The following ASCC3 variants were observed in gnomAD, a reference collection of about 807,000 sequenced individuals.
ASCC3 encodes the protein ASC-1 complex subunit P200.
Under a neutral mutation model 256.3 loss-of-function variants are expected in ASCC3, and 158 were observed. The ratio of observed to expected loss-of-function variants is 0.62; its 90% CI spans 0.54 to 0.70. The LOEUF (loss-of-function observed/expected upper bound fraction) is 0.70, where lower values mean the gene tolerates loss of function less well. Ranked by LOEUF, ASCC3 falls within the 30% of genes least tolerant of loss-of-function variation. The pLI is 0.00. For synonymous variants in ASCC3, 948 were observed against 883.4 expected (o/e 1.07, Z -1.30); for missense variants, 2,259 against 2,626.0 (o/e 0.86, Z 3.05).
intron 10 of ASCC3, among the ~76,000 whole-genome samples, chr6:100,761,302 C>A (rs1781409125): frequency 1.3e-5 from 2 of 152,048 alleles, no homozygotes; most frequent in Non-Finnish European, 1.5e-5. Context: ...ATAGCCTGGG[C>A]AACATGGCAA....
At position 100,691,793 on chromosome 6, in the gene ASCC3, T is replaced by C. The variant is rs745964874; in HGVS notation, c.2152-12041A>G. ...ATGCCAGACTAATCTATATAACATA[T>C]AGACTTGTGCTGAATATCAGCAGTG... is the stretch of plus-strand genomic sequence containing the variant. On this transcript the variant is annotated intron_variant, in intron 13 of 41. Transcript: ENST00000369162. 3.2e-4 allele frequency among the ~76,000 whole-genome samples: 49 copies of C among 152,056 alleles called. 1 individual carries two copies. Among genetic ancestry groups the C allele is most frequent in the Admixed American group, 1.5e-3 (23 of 15,260 alleles).
intron 14 of ASCC3, among the ~76,000 whole-genome samples, chr6:100,672,780 T>A (rs185198690): frequency 2.3e-3 from 357 of 152,204 alleles, no homozygotes; most frequent in African/African-American, 8.1e-3. Flanking sequence ...ATTTAAAATG[T>A]ACCTAGAATG....
intron 36 of ASCC3, among the ~76,000 whole-genome samples, chr6:100,589,208 A>G (rs1771860781): frequency 6.6e-6 from 1 of 152,142 alleles, no homozygotes. Context: ...CCTGACATTA[A>G]TTCTAAGAAC....
intron 36 of ASCC3, among the ~76,000 whole-genome samples, chr6:100,573,856 T>C (rs1770722892): frequency 6.6e-6 from 1 of 152,158 alleles, no homozygotes. Flanking sequence ...CAATAAAGAT[T>C]GCGTTTGCGA....
chr6:100,783,603 T>G (rs1425173066), intron 8 of ASCC3, among the ~76,000 whole-genome samples: 1 of 152,150 alleles, frequency 6.6e-6, no homozygotes, highest in African/African-American at 2.4e-5. Context: ...TATGACTTTC[T>G]TTCCACATAC....
intron 16 of ASCC3, among the ~76,000 whole-genome samples, chr6:100,656,318 G>A (rs1775913053): frequency 1.3e-5 from 2 of 151,496 alleles, no homozygotes; most frequent in East Asian, 1.9e-4. Flanking sequence ...CCCAAGACAC[G>A]AATTTGCAGG....
intron 13 of ASCC3, among the ~76,000 whole-genome samples, chr6:100,684,897 C>G (rs1777492787): frequency 1.3e-5 from 2 of 150,934 alleles, no homozygotes; most frequent in Non-Finnish European, 2.9e-5. Flanking sequence ...AACTCCGCCT[C>G]CCGGGTTGAC....
At chr6:100,515,698 T>C (rs955749108) in intron 39 of ASCC3, among the ~76,000 whole-genome samples, 2 of 152,154 alleles carry the variant, frequency 1.3e-5, no homozygotes, top group African/African-American at 4.8e-5. Flanking sequence ...AAAGTGATTA[T>C]AATAAGAGAG....
intron 36 of ASCC3, among the ~76,000 whole-genome samples, chr6:100,540,772 G>C (rs1582414971): frequency 6.6e-6 from 1 of 152,116 alleles, no homozygotes; most frequent in African/African-American, 2.4e-5. Context: ...AATTCAGTTT[G>C]GGGGACCTTC....
At chr6:100,847,667 A>G (rs1383727369) in intron 4 of ASCC3, among the ~76,000 whole-genome samples, 1 of 152,168 alleles carries the variant, frequency 6.6e-6, no homozygotes, top group African/African-American at 2.4e-5. Flanking sequence ...ACAATTATCT[A>G]TCTTGATATT....
At chr6:100,752,091 AG>A (rs1163152400) in intron 10 of ASCC3, among the ~76,000 whole-genome samples, 2 of 152,142 alleles carry the variant, frequency 1.3e-5, no homozygotes, top group African/African-American at 4.8e-5. Context: ...GTGCTTTTCC[AG>A]ATCAAATGGT....
chr6:100,679,873 C>T (rs118123246), intron 13 of ASCC3, 121 bp from the exon 14 acceptor site: 26,481 of 1,120,080 alleles, frequency 0.024, 384 homozygotes, highest in Non-Finnish European at 0.03. Flanking sequence ...CACAAATTTA[C>T]GAATTCTCCA....
At position 100,737,086 on chromosome 6, in the gene ASCC3, G is replaced by T. The variant is rs552604542; in HGVS notation, c.1738-11383C>A. ...TGCTTGAACCCGAGAGGTGGAGGATGCAGTGAGCCGAGATTGCACCACTGC... is the reference window on the plus strand; with the variant it reads ...TGCTTGAACCCGAGAGGTGGAGGATTCAGTGAGCCGAGATTGCACCACTGC... On this transcript the variant is annotated intron_variant, in intron 10 of 41. Coordinates refer to ENST00000369162, the MANE Select transcript of ASCC3 (RefSeq NM_006828.4). Among the ~76,000 whole-genome samples, 3 of 151,370 alleles carry T rather than the reference G, an allele frequency of 2.0e-5. No homozygotes were observed. The East Asian group carries it at 5.9e-4, about 30-fold the overall frequency.
chr6:100,545,886 T>C (rs1775697464), intron 36 of ASCC3, among the ~76,000 whole-genome samples: 1 of 152,216 alleles, frequency 6.6e-6, no homozygotes, highest in Admixed American at 6.5e-5. Context: ...TGGTCTGCTC[T>C]TACTATTTCT....
At chr6:100,664,472 A>C (rs917766317) in intron 14 of ASCC3, among the ~76,000 whole-genome samples, 1 of 152,144 alleles carries the variant, frequency 6.6e-6, no homozygotes, top group Non-Finnish European at 1.5e-5. Flanking sequence ...GTGGCCAACC[A>C]AGTAAATAAC....
At chr6:100,602,025 T>G (rs1582535495) in intron 33 of ASCC3, 90 bp from the exon 34 acceptor site, 1 of 1,441,268 alleles carries the variant, frequency 6.9e-7, no homozygotes, top group South Asian at 1.3e-5. Flanking sequence ...TCAGATTTTA[T>G]GTTCTAAGAT....
intron 37 of ASCC3, chr6:100,530,345 A>G (rs950187664): frequency 2.2e-6 from 3 of 1,383,296 alleles, no homozygotes; most frequent in South Asian, 1.2e-5. Flanking sequence ...ATCTAGTGAA[A>G]AAAACCGCAG....
At chr6:100,787,210 C>A (rs1337022160) in intron 8 of ASCC3, among the ~76,000 whole-genome samples, 1 of 152,024 alleles carries the variant, frequency 6.6e-6, no homozygotes, top group Non-Finnish European at 1.5e-5. Context: ...TAGGATTTGC[C>A]TTCTGACAAG....
intron 8 of ASCC3, 41 bp downstream of exon 8, chr6:100,798,672 C>G (rs1769752898): frequency 5.0e-6 from 8 of 1,608,968 alleles, no homozygotes; most frequent in East Asian, 4.5e-5. Context: ...TACCGCATAC[C>G]AAGCCTCAAA....
Sources: allele counts gnomAD v4.1 joint callset (sites outside exome capture counted in the v4.1 genomes callset), GRCh38; gene constraint gnomAD v4.1.1; transcripts MANE v1.5; gene names NCBI Gene and HGNC (gene_info 2026-07-23, HGNC 2026-07-21).